Variants in VTI1A observed in about 807,000 individuals in gnomAD.
The protein encoded by VTI1A is vesicle transport through interaction with t-SNAREs 1A, also known as vesicle transport through interaction with t-SNAREs homolog 1A.
VTI1A carries 22 observed loss-of-function variants against 34.9 expected under a neutral mutation model. The ratio of observed to expected loss-of-function variants is 0.63; its 90% CI spans 0.45 to 0.90. The LOEUF is 0.90. Ranked by LOEUF, VTI1A falls within the 40% of genes least tolerant of loss-of-function variation. The pLI, the probability that VTI1A is intolerant of heterozygous loss-of-function variation, is 0.00. For synonymous variants in VTI1A, 87 were observed against 97.3 expected (o/e 0.89, Z 0.62); for missense variants, 268 against 275.6 (o/e 0.97, Z 0.20).
intron 7 of VTI1A, among the ~76,000 whole-genome samples, chr10:112,730,957 G>A (rs563274668): frequency 6.6e-6 from 1 of 152,140 alleles, no homozygotes; most frequent in Non-Finnish European, 1.5e-5. Context: ...CTGATGCCAA[G>A]AAATTATATA....
At chr10:112,574,683 T>C (rs183822328) in intron 5 of VTI1A, among the ~76,000 whole-genome samples, 1 of 152,328 alleles carries the variant, frequency 6.6e-6, no homozygotes, top group Non-Finnish European at 1.5e-5. Flanking sequence ...ATGGAACCTA[T>C]CAAGTGATAC....
In VTI1A at chr10:112,815,376, G is replaced by A. The variant is rs1853488479; in HGVS notation, c.647G>A (p.Arg216Lys). The change falls in exon 8 of 8, where the codon AGA (arginine) becomes AAA (lysine). Residue 216 changes from arginine to lysine, a missense_variant. Arg to Lys is a conservative substitution (Grantham distance 26). Transcript: ENST00000393077. ...ATGGCGATCACTTTTTCTGTCAGAA[G>A]ACACTGATGTATCTGCTCTCCCTTG... ...ILMAITFSVRRH is the reference protein window; with the variant it reads ...ILMAITFSVRKH The A allele has an allele frequency of 6.2e-7, 1 of 1,613,278 alleles. No individual in the cohort carries two copies. Among genetic ancestry groups the A allele is most frequent in the South Asian group, 1.1e-5 (1 of 91,056 alleles).
intron 4 of VTI1A, among the ~76,000 whole-genome samples, chr10:112,533,213 C>G (rs532252222): frequency 4.3e-4 from 66 of 152,098 alleles, no homozygotes; most frequent in Non-Finnish European, 8.4e-4. Flanking sequence ...AACTTGTTTT[C>G]TTTCTTTATA....
intron 1 of VTI1A, among the ~76,000 whole-genome samples, chr10:112,451,775 A>G (rs1847248433): frequency 1.3e-5 from 2 of 152,362 alleles, no homozygotes; most frequent in South Asian, 4.1e-4. Flanking sequence ...AGGTGGTTGC[A>G]GTGAGATAAT....
At chr10:112,611,194 G>A (rs1372493722) in intron 5 of VTI1A, among the ~76,000 whole-genome samples, 1 of 152,176 alleles carries the variant, frequency 6.6e-6, no homozygotes, top group Non-Finnish European at 1.5e-5. Context: ...ACTTGCTGTG[G>A]CCAAAGTCCA....
In VTI1A at chr10:112,706,429, A is replaced by C. The variant is rs560545302; in HGVS notation, c.560+37431A>C. Among the ~76,000 whole-genome samples the C allele has an allele frequency of 9.8e-5, 15 of 152,356 alleles. No individual in the cohort carries two copies. The East Asian group carries it at 2.9e-3, about 29-fold the overall frequency. On this transcript the variant is annotated intron_variant, in intron 7 of 7. Transcript: ENST00000393077. ...AAGTTAATCAATGTGTGCTAATTAA[A>C]TAACTGTTGTGCCTATGCCATTACT...
chr10:112,724,694 A>C (rs1467512190), intron 7 of VTI1A, among the ~76,000 whole-genome samples: 1 of 149,698 alleles, frequency 6.7e-6, no homozygotes, highest in East Asian at 2.0e-4. Context: ...GAACTCAAAA[A>C]CTCTATAGAT....
At chr10:112,611,508 A>G (rs1245250755) in intron 5 of VTI1A, among the ~76,000 whole-genome samples, 1 of 152,166 alleles carries the variant, frequency 6.6e-6, no homozygotes, top group African/African-American at 2.4e-5. Context: ...TTCTCAAACT[A>G]CATGGTAAAA....
intron 7 of VTI1A, among the ~76,000 whole-genome samples, chr10:112,680,320 C>A (rs1285230959): frequency 6.6e-6 from 1 of 152,062 alleles, no homozygotes; most frequent in Non-Finnish European, 1.5e-5. Context: ...TTAAGTTATT[C>A]TTCGTAAGAA....
intron 4 of VTI1A, among the ~76,000 whole-genome samples, chr10:112,536,650 A>T: frequency 6.7e-6 from 1 of 149,732 alleles, no homozygotes; most frequent in Non-Finnish European, 1.5e-5. Context: ...ACATTGGACG[A>T]CTCTATTAAT....
intron 7 of VTI1A, chr10:112,737,313 A>C (rs1195267243): frequency 2.0e-6 from 2 of 1,022,098 alleles, no homozygotes; most frequent in African/African-American, 3.4e-5. Context: ...CGATCTCTTA[A>C]CCTTGTGAGC....
intron 7 of VTI1A, among the ~76,000 whole-genome samples, chr10:112,807,860 A>G (rs1853141447): frequency 6.6e-6 from 1 of 151,504 alleles, no homozygotes. Context: ...TCTCAAAAAA[A>G]ATAAAAAATA....
intron 3 of VTI1A, among the ~76,000 whole-genome samples, chr10:112,487,315 G>C (rs1206248775): frequency 6.6e-6 from 1 of 152,090 alleles, no homozygotes; most frequent in African/African-American, 2.4e-5. Context: ...GTAGAGACAG[G>C]GTTTCACCCC....
intron 7 of VTI1A, among the ~76,000 whole-genome samples, chr10:112,732,356 G>A (rs765884870): frequency 6.6e-6 from 1 of 152,090 alleles, no homozygotes; most frequent in South Asian, 2.1e-4. Flanking sequence ...CACTTCCTTT[G>A]GGTTCATGTG....
chr10:112,568,374 G>T (rs1268406194), intron 5 of VTI1A, among the ~76,000 whole-genome samples: 3 of 152,090 alleles, frequency 2.0e-5, no homozygotes, highest in Non-Finnish European at 4.4e-5. Flanking sequence ...GGGCATGATG[G>T]TAGACGCCTG....
At chr10:112,792,115 C>T (rs1257205802) in intron 7 of VTI1A, among the ~76,000 whole-genome samples, 2 of 151,902 alleles carry the variant, frequency 1.3e-5, no homozygotes, top group South Asian at 2.1e-4. Flanking sequence ...CTCTACTAAA[C>T]GTAGAAAAAA....
chr10:112,545,823 G>A (rs913785109), intron 5 of VTI1A, among the ~76,000 whole-genome samples: 3 of 152,112 alleles, frequency 2.0e-5, no homozygotes, highest in Non-Finnish European at 2.9e-5. Context: ...AATCTCGTGT[G>A]TGTGTGCGCA....
At chr10:112,806,665 G>A (rs1006168250) in intron 7 of VTI1A, among the ~76,000 whole-genome samples, 7 of 150,842 alleles carry the variant, frequency 4.6e-5, no homozygotes, top group South Asian at 2.1e-4. Context: ...GGCTCATTGC[G>A]ATTTCACCCT....
intron 5 of VTI1A, among the ~76,000 whole-genome samples, chr10:112,576,247 C>G (rs1345831876): frequency 6.6e-6 from 1 of 151,406 alleles, no homozygotes; most frequent in Non-Finnish European, 1.5e-5. Context: ...GTCTCGATCT[C>G]CTGACCTCGT....
Sources: allele counts gnomAD v4.1 joint callset (sites outside exome capture counted in the v4.1 genomes callset), GRCh38; gene constraint gnomAD v4.1.1; transcripts MANE v1.5; gene names NCBI Gene and HGNC (gene_info 2026-07-23, HGNC 2026-07-21).